Variants in FGF7 observed in about 807,000 individuals in gnomAD.
FGF7 encodes the protein FGF-7.
FGF7 carries 6 observed loss-of-function variants against 20.5 expected under a neutral mutation model. The observed-to-expected ratio is 0.29, with a 90% confidence interval of 0.16 to 0.58. FGF7 has a LOEUF of 0.58. Among genes scored for constraint, FGF7 ranks in the 20% least tolerant of loss-of-function variants. The probability of loss-of-function intolerance (pLI) is 0.90; values close to 1 mark genes in which losing one functional copy is unlikely to be tolerated. For missense variants in FGF7, 144 were observed against 228.8 expected, an observed-to-expected ratio of 0.63 and a Z score of 2.39; for synonymous variants, 64 against 74.7, an observed-to-expected ratio of 0.86 and a Z score of 0.74.
chr15:49,427,348 T>C (rs1183753389), intron 2 of FGF7, among the ~76,000 whole-genome samples: 1 of 152,044 alleles, frequency 6.6e-6, no homozygotes, highest in East Asian at 1.9e-4. Context: ...TCCTTCCTAT[T>C]TTCATTAAAA....
chr15:49,474,576 T>C (rs557296472), intron 2 of FGF7, among the ~76,000 whole-genome samples: 96 of 152,088 alleles, frequency 6.3e-4, no homozygotes, highest in South Asian at 1.0e-3. Context: ...GTTTAATAAA[T>C]AATGTTGAAA....
intron 2 of FGF7, among the ~76,000 whole-genome samples, chr15:49,451,849 T>A (rs1267150631): frequency 6.6e-6 from 1 of 152,146 alleles, no homozygotes. Context: ...AGGAAAAAAC[T>A]AAGACCCACT....
rs1491227265 is a variant in FGF7 at position 49,476,231 on chromosome 15, GGT to G, written c.287-6919_287-6918del. Among the ~76,000 whole-genome samples, 206 of 29,098 alleles carry G rather than the reference GGT, an allele frequency of 7.1e-3. 8 individuals carry two copies. In the South Asian group the frequency reaches 0.1, roughly 14 times the overall value. The allele number at this position is 29,098 out of a possible 152,430, so 19.1% of individuals were successfully genotyped here. A position where few individuals can be genotyped will look rare whatever the true frequency, so the allele number is the denominator to read the frequency against. ...TTTGCTGTTTTGTTTTTTTGTTTTT[GGT>G]TTTTTTTTTTTTGCATTTGGCATAT... On this transcript the variant is annotated intron_variant, in intron 2 of 3. Coordinates refer to ENST00000267843, the MANE Select transcript of FGF7 (RefSeq NM_002009.4).
At chr15:49,448,429 T>C (rs546963615) in intron 2 of FGF7, among the ~76,000 whole-genome samples, 1 of 151,768 alleles carries the variant, frequency 6.6e-6, no homozygotes, top group Non-Finnish European at 1.5e-5. Flanking sequence ...GTATATTAAT[T>C]GTTCATTAAA....
chr15:49,466,825 C>G (rs1049501118), intron 2 of FGF7, among the ~76,000 whole-genome samples: 5 of 152,104 alleles, frequency 3.3e-5, no homozygotes, highest in African/African-American at 7.2e-5. Flanking sequence ...TAAGTAAACT[C>G]AGATGTTTTT....
At chr15:49,445,864 G>T (rs2052152482) in intron 2 of FGF7, among the ~76,000 whole-genome samples, 1 of 151,374 alleles carries the variant, frequency 6.6e-6, no homozygotes, top group South Asian at 2.1e-4. Context: ...AATTTAGTAT[G>T]ATCATTTGAA....
intron 2 of FGF7, among the ~76,000 whole-genome samples, chr15:49,427,461 C>T (rs1306772151): frequency 6.6e-6 from 1 of 151,816 alleles, no homozygotes; most frequent in Non-Finnish European, 1.5e-5. Flanking sequence ...TGTTTTGATG[C>T]CTTAAATTTT....
intron 2 of FGF7, among the ~76,000 whole-genome samples, chr15:49,477,560 T>C (rs137939178): frequency 0.017 from 2,547 of 152,296 alleles, 34 homozygotes; most frequent in Middle Eastern, 0.037. Flanking sequence ...ACGTGTACCA[T>C]AGTTTGTTTA....
Position 49,424,373 on chromosome 15 carries a change from G to T in FGF7, c.76G>T (p.Gly26Cys). Residue 26 changes from glycine to cysteine, a missense_variant, in exon 2 of 4, where the codon GGT (glycine) becomes TGT (cysteine). By Grantham distance (159) the Gly-to-Cys change is radical. Coordinates refer to ENST00000267843, the MANE Select transcript of FGF7 (RefSeq NM_002009.4). ...RSCFHIICLV[G>C]TISLACNDMT... ...ATGCTTTCACATTATCTGTCTAGTGGGTACTATATCTTTAGCTTGCAATGA... is the reference window on the plus strand; with the variant it reads ...ATGCTTTCACATTATCTGTCTAGTGTGTACTATATCTTTAGCTTGCAATGA... 2 of 1,613,528 alleles carry T rather than the reference G, an allele frequency of 1.2e-6. No homozygotes were observed. Among genetic ancestry groups the T allele is most frequent in the Non-Finnish European group, 1.7e-6 (2 of 1,179,680 alleles).
At chr15:49,439,231 A>G (rs758346936) in intron 2 of FGF7, among the ~76,000 whole-genome samples, 2 of 151,450 alleles carry the variant, frequency 1.3e-5, no homozygotes, top group Non-Finnish European at 3.0e-5. Context: ...GAGTGTCCTT[A>G]TAACATGGCA....
At chr15:49,452,349 G>A (rs1048008627) in intron 2 of FGF7, among the ~76,000 whole-genome samples, 2 of 151,966 alleles carry the variant, frequency 1.3e-5, no homozygotes, top group African/African-American at 2.4e-5. Flanking sequence ...CACTGCACCC[G>A]GCCCCAACCA....
intron 2 of FGF7, among the ~76,000 whole-genome samples, chr15:49,473,558 A>G (rs1411297020): frequency 6.6e-6 from 1 of 152,168 alleles, no homozygotes; most frequent in Non-Finnish European, 1.5e-5. Flanking sequence ...TACAGAAAAT[A>G]TTGTGACAAT....
intron 2 of FGF7, among the ~76,000 whole-genome samples, chr15:49,439,932 G>T (rs1372827657): frequency 1.3e-5 from 2 of 151,702 alleles, no homozygotes; most frequent in Non-Finnish European, 3.0e-5. Flanking sequence ...ATAGCCCTCA[G>T]GGAAACTGGA....
At chr15:49,452,149 C>T (rs2052814210) in intron 2 of FGF7, among the ~76,000 whole-genome samples, 1 of 151,954 alleles carries the variant, frequency 6.6e-6, no homozygotes, top group Non-Finnish European at 1.5e-5. Context: ...TCAAGCAATT[C>T]TCCTGCCTCA....
intron 2 of FGF7, among the ~76,000 whole-genome samples, chr15:49,467,347 C>A (rs1219033768): frequency 6.6e-6 from 1 of 152,036 alleles, no homozygotes; most frequent in Non-Finnish European, 1.5e-5. Flanking sequence ...TTTCTTCTAG[C>A]CCCATCAAAT....
intron 2 of FGF7, among the ~76,000 whole-genome samples, chr15:49,459,243 T>C (rs1388429106): frequency 4.6e-5 from 7 of 152,200 alleles, no homozygotes; most frequent in Admixed American, 2.6e-4. Flanking sequence ...ATTTGTACAT[T>C]TGACTACTTT....
chr15:49,459,065 C>T (rs1473734527), intron 2 of FGF7, among the ~76,000 whole-genome samples: 2 of 152,188 alleles, frequency 1.3e-5, no homozygotes, highest in Admixed American at 6.6e-5. Context: ...AATATATCTT[C>T]CTTCTCTAGT....
chr15:49,434,694 T>G (rs1205487890), intron 2 of FGF7: 3 of 151,760 alleles, frequency 2.0e-5, no homozygotes, highest in Middle Eastern at 3.4e-3. Context: ...GAACATTTAC[T>G]CTTTATTAAT....
intron 2 of FGF7, 153 bp downstream of exon 2, chr15:49,424,736 G>A: frequency 3.6e-6 from 2 of 562,330 alleles, no homozygotes; most frequent in Non-Finnish European, 5.9e-6. Context: ...GTTGAACTAT[G>A]CCCCTAAAAA....
Sources: allele counts gnomAD v4.1 joint callset (sites outside exome capture counted in the v4.1 genomes callset), GRCh38; gene constraint gnomAD v4.1.1; transcripts MANE v1.5; gene names NCBI Gene and HGNC (gene_info 2026-07-23, HGNC 2026-07-21).